The following DGUOK variants were observed in gnomAD, a reference collection of about 807,000 sequenced individuals.
DGUOK encodes the protein deoxyguanosine kinase, mitochondrial.
In DGUOK, 30 loss-of-function variants were observed where a neutral mutation model predicts 36.6. The ratio of observed to expected loss-of-function variants is 0.82; its 90% CI spans 0.61 to 1.11. The LOEUF is 1.11. Among genes scored for constraint, DGUOK ranks in the 50% most tolerant of loss-of-function variants. The pLI, the probability that DGUOK is intolerant of heterozygous loss-of-function variation, is 0.00. For synonymous variants in DGUOK, 145 were observed against 126.3 expected (o/e 1.15, Z -0.99); for missense variants, 361 against 336.4 (o/e 1.07, Z -0.57).
chr2:73,958,299 T>C (rs1683282659), intron 6 of DGUOK, 54 bp downstream of exon 6: 1 of 1,437,816 alleles, frequency 7.0e-7, no homozygotes, highest in Admixed American at 1.7e-5. Context: ...TGTACTTTTA[T>C]CTTTCTGGCC....
At chr2:73,937,796 G>A (rs1289191704) in intron 1 of DGUOK, among the ~76,000 whole-genome samples, 4 of 152,114 alleles carry the variant, frequency 2.6e-5, no homozygotes, top group Non-Finnish European at 5.9e-5. Context: ...TGAATGTTGT[G>A]GTACTAGGTT....
Position 73,950,694 on chromosome 2 carries a change from A to T in DGUOK, c.553A>T (p.Thr185Ser). 1 of 1,614,220 alleles carries T rather than the reference A, an allele frequency of 6.2e-7. No homozygotes were observed. Reference protein sequence around the residue: ...FLLWEFASRITLHGFIYLQAS... With the variant: ...FLLWEFASRISLHGFIYLQAS... ...CCTGTGGGAGTTTGCCAGCCGGATC[A>T]CATTACATGGCTTCATCTACCTCCA... Residue 185 changes from threonine to serine, a missense_variant, in exon 4 of 7, where the codon ACA becomes TCA. Transcript: ENST00000264093.
intron 1 of DGUOK, among the ~76,000 whole-genome samples, chr2:73,928,768 A>G (rs1029112635): frequency 6.6e-6 from 1 of 152,208 alleles, no homozygotes; most frequent in Non-Finnish European, 1.5e-5. Flanking sequence ...CTTAGATTAT[A>G]AAAAGATCAC....
Position 73,950,578 on chromosome 2 carries a change from C to A in DGUOK, c.444-7C>A, listed in dbSNP as rs1682635171. On this transcript the variant is annotated splice_polypyrimidine_tract_variant and splice_region_variant and intron_variant, in intron 3 of 6. Transcript: ENST00000264093. ...GCCCTCCCCATTCCCATCCCACTTC[C>A]AACCAGGTATATCTTTGCAAAGAAT... The A allele has an allele frequency of 8.7e-6, 14 of 1,614,030 alleles. No homozygotes were observed. The highest frequency in any genetic ancestry group is 1.6e-4 in the Middle Eastern group (1 of 6,070).
At position 73,957,138 on chromosome 2, in the gene DGUOK, G is replaced by C; in HGVS notation, c.605G>C (p.Arg202Thr). Reference sequence around the variant, plus strand: ...ACTGTCTTTTAGGTTTGTTTGAAGAGACTGTACCAGAGGGCCAGGGAGGAG... The same window carrying C: ...ACTGTCTTTTAGGTTTGTTTGAAGACACTGTACCAGAGGGCCAGGGAGGAG... ...LQASPQVCLK[R>T]LYQRAREEEK... is the part of the protein sequence containing the mutation. The change falls in exon 5 of 7, where the codon AGA (arginine) becomes ACA (threonine). Residue 202 changes from arginine to threonine, a missense_variant. Coordinates refer to ENST00000264093, the MANE Select transcript of DGUOK (RefSeq NM_080916.3). 1 of 1,613,918 alleles carries C rather than the reference G, an allele frequency of 6.2e-7. No homozygotes were observed. The highest frequency in any genetic ancestry group is 8.5e-7 in the Non-Finnish European group (1 of 1,179,840).
chr2:73,954,009 C>T (rs986499212), intron 4 of DGUOK, among the ~76,000 whole-genome samples: 32 of 152,164 alleles, frequency 2.1e-4, no homozygotes, highest in African/African-American at 6.7e-4. Flanking sequence ...TGAGCCACCG[C>T]GTCTGGCCCC....
intron 2 of DGUOK, among the ~76,000 whole-genome samples, chr2:73,943,326 T>A (rs115999515): frequency 0.25 from 8,562 of 34,154 alleles, 494 homozygotes; most frequent in African/African-American, 0.36. Flanking sequence ...CTTAAAAATT[T>A]TTTTTTTTTT....
chr2:73,933,014 A>G (rs566956042), intron 1 of DGUOK, among the ~76,000 whole-genome samples: 8 of 151,066 alleles, frequency 5.3e-5, no homozygotes, highest in African/African-American at 2.0e-4. Context: ...TCAGTGAGTC[A>G]TCTCAGCATT....
rs1189821412 is a variant in DGUOK, at chr2:73,927,002, G to A, written c.92G>A (p.Gly31Asp). Reference sequence around the variant, plus strand: ...CTCGAGGGCGTTTCCTCCTCCAGAGGCCTGCACGCGGGGCGCGGGCCCCGA... The same window carrying A: ...CTCGAGGGCGTTTCCTCCTCCAGAGACCTGCACGCGGGGCGCGGGCCCCGA... ...SPLEGVSSSR[G>D]LHAGRGPRRL... The change falls in exon 1 of 7, where the codon GGC (glycine) becomes GAC (aspartate). Residue 31 changes from glycine (G) to aspartate (D), a missense_variant. Gly to Asp is a moderately conservative substitution (Grantham distance 94). Transcript: ENST00000264093. The A allele has an allele frequency of 1.9e-6, 3 of 1,611,790 alleles. No homozygotes were observed. Among genetic ancestry groups the A allele is most frequent in the African/African-American group, 2.7e-5 (2 of 75,080 alleles).
At chr2:73,935,686 C>T (rs1681408722) in intron 1 of DGUOK, among the ~76,000 whole-genome samples, 1 of 152,178 alleles carries the variant, frequency 6.6e-6, no homozygotes, top group Admixed American at 6.5e-5. Context: ...GGCTGAGAAA[C>T]ATGGATGGCA....
At chr2:73,955,225 T>G (rs548609188) in intron 4 of DGUOK, among the ~76,000 whole-genome samples, 1 of 152,372 alleles carries the variant, frequency 6.6e-6, no homozygotes, top group South Asian at 2.1e-4. Flanking sequence ...TTGTTCTGCC[T>G]TTGTGTGTGT....
intron 1 of DGUOK, among the ~76,000 whole-genome samples, chr2:73,930,720 C>G (rs1049151117): frequency 1.3e-5 from 2 of 151,814 alleles, no homozygotes; most frequent in African/African-American, 4.8e-5. Flanking sequence ...GATACAGCTC[C>G]TGTCCTTCAA....
intron 5 of DGUOK, 76 bp downstream of exon 5, chr2:73,957,316 A>G: frequency 2.8e-6 from 3 of 1,061,212 alleles, no homozygotes; most frequent in Non-Finnish European, 4.3e-6. Context: ...CAAGTTCAGC[A>G]TGCAGCCCCC....
Position 73,930,919 on chromosome 2 carries a change from C to CTA in DGUOK, c.142+3867_142+3868insTA, listed in dbSNP as rs1680981553. Reference sequence around the variant, plus strand: ...CACGCCATTCTCCTGCCTCAGGCTCCCAAGTAGCTGGGACTACAGGCGCCC... The same window carrying CTA: ...CACGCCATTCTCCTGCCTCAGGCTCCTACAAGTAGCTGGGACTACAGGCGCCC... On this transcript the variant is annotated intron_variant, in intron 1 of 6. Coordinates refer to ENST00000264093, the MANE Select transcript of DGUOK (RefSeq NM_080916.3). Among the ~76,000 whole-genome samples the CTA allele has an allele frequency of 3.3e-5, 5 of 149,374 alleles. No homozygotes were observed. In the Admixed American group the frequency reaches 3.4e-4, roughly 10 times the overall value.
intron 2 of DGUOK, among the ~76,000 whole-genome samples, chr2:73,939,824 T>C (rs1181534030): frequency 1.3e-5 from 2 of 152,184 alleles, no homozygotes; most frequent in African/African-American, 4.8e-5. Context: ...ACCTCTTAAG[T>C]CTTTTAACTT....
intron 3 of DGUOK, among the ~76,000 whole-genome samples, chr2:73,949,127 T>G (rs998279428): frequency 6.6e-6 from 1 of 152,038 alleles, no homozygotes; most frequent in Non-Finnish European, 1.5e-5. Flanking sequence ...AATTTTTGTG[T>G]TTTTAGTAGA....
At chr2:73,944,389 C>A (rs766172937) in intron 2 of DGUOK, among the ~76,000 whole-genome samples, 19 of 152,210 alleles carry the variant, frequency 1.2e-4, no homozygotes, top group Non-Finnish European at 2.4e-4. Context: ...AGTCTGCTAG[C>A]TACCATCTTC....
Position 73,958,856 on chromosome 2 carries a change from G to A in DGUOK, c.*120G>A, listed in dbSNP as rs886056323. 1.0e-4 allele frequency: 82 copies of A among 819,798 alleles called. No homozygotes were observed. The highest frequency in any genetic ancestry group is 1.6e-4 in the Non-Finnish European group (77 of 474,060). 50.8% of individuals were successfully genotyped at this position (819,798 alleles called of 1,614,324 possible). A position where few individuals can be genotyped will look rare whatever the true frequency, so the allele number is the denominator to read the frequency against. Reference sequence around the variant, plus strand: ...CCTCTCATCCCTGGAGCACTCTGCCGCTCAAGAGCTGGTTTGTTAATTATT... The same window carrying A: ...CCTCTCATCCCTGGAGCACTCTGCCACTCAAGAGCTGGTTTGTTAATTATT... On this transcript the variant is annotated 3_prime_UTR_variant, in exon 7 of 7. Transcript: ENST00000264093.
chr2:73,946,054 C>CAA (rs777937800), intron 2 of DGUOK, among the ~76,000 whole-genome samples: 6 of 32,234 alleles, frequency 1.9e-4, no homozygotes, highest in Admixed American at 2.7e-4. Context: ...GACTCTGTCT[C>CAA]AAAAAAAAAA....
Sources: gnomAD v4.1 joint callset for allele counts (sites outside exome capture counted in the v4.1 genomes callset) on GRCh38, gnomAD v4.1.1 for gene constraint, MANE v1.5 for transcripts, NCBI Gene and HGNC (gene_info 2026-07-23, HGNC 2026-07-21) for gene names.